HAUS8: variants seen among roughly 807,000 people sequenced by gnomAD.
The protein encoded by HAUS8 is HAUS augmin like complex subunit 8.
Under a neutral mutation model 42.9 loss-of-function variants are expected in HAUS8, and 38 were observed. That is an observed-to-expected ratio of 0.89 (90% CI 0.68 to 1.16). The LOEUF (loss-of-function observed/expected upper bound fraction) is 1.16, where lower values mean the gene tolerates loss of function less well. HAUS8 is among the 50% of genes most tolerant of loss of function. The pLI is 0.00. For missense variants in HAUS8, 494 were observed against 511.6 expected (o/e 0.97, Z 0.33); for synonymous variants, 199 against 205.8 (o/e 0.97, Z 0.28).
At chr19:17,057,645 A>T (rs2057334223) in intron 8 of HAUS8, among the ~76,000 whole-genome samples, 1 of 152,110 alleles carries the variant, frequency 6.6e-6, no homozygotes, top group South Asian at 2.1e-4. Context: ...AAAGTCAGAG[A>T]CCTTGTACTC....
At position 17,074,434 on chromosome 19, in the gene HAUS8, C is replaced by T. The variant is rs555616249; in HGVS notation, c.29+960G>A. ...CCAGGTGCCAGCAGCTGCGCTCGCC[C>T]GTAGGCTCCTCCTAACCCGACAGCT... On this transcript the variant is annotated intron_variant, in intron 1 of 10. Coordinates refer to ENST00000253669, the MANE Select transcript of HAUS8 (RefSeq NM_033417.2). The T allele has an allele frequency of 3.3e-5, 5 of 152,494 alleles. No homozygotes were observed. The East Asian group carries it at 9.6e-4, about 29-fold the overall frequency. 9.4% of individuals were successfully genotyped at this position (152,494 alleles called of 1,614,324 possible).
chr19:17,070,217 G>A (rs1265218422), intron 2 of HAUS8, among the ~76,000 whole-genome samples: 6 of 150,192 alleles, frequency 4.0e-5, no homozygotes, highest in Non-Finnish European at 7.4e-5. Flanking sequence ...ACACACCACC[G>A]CACCAGAACA....
intron 10 of HAUS8, chr19:17,051,720 T>G (rs1461649337): frequency 6.8e-6 from 1 of 146,122 alleles, no homozygotes; most frequent in Non-Finnish European, 1.5e-5. Flanking sequence ...CAGGTTGTAA[T>G]GCAGTGGCAC....
intron 8 of HAUS8, among the ~76,000 whole-genome samples, chr19:17,056,255 C>T (rs928036990): frequency 3.9e-5 from 6 of 152,168 alleles, no homozygotes; most frequent in Non-Finnish European, 7.3e-5. Context: ...TCAGCTGAGC[C>T]CACCTGCTTT....
Position 17,050,034 on chromosome 19 carries a change from C to T in HAUS8, c.1072G>A (p.Gly358Arg), listed in dbSNP as rs1201126783. 1 of 1,609,182 alleles carries T rather than the reference C, an allele frequency of 6.2e-7. No homozygotes were observed. The highest frequency in any genetic ancestry group is 8.5e-7 in the Non-Finnish European group (1 of 1,178,260). The part of the protein sequence containing the change: ...FNQDSACRES[G>R]GAPKNTPLSE... ...AGGGGCGTGTTCTTGGGTGCTCCCC[C>T]AGATTCTCTGCAGGCACTGTCTTGA... Residue 358 changes from glycine to arginine, a missense_variant, in exon 11 of 11, where the codon GGG becomes AGG. By Grantham distance (125) the Gly-to-Arg change is moderately radical (BLOSUM62 -2). Transcript: ENST00000253669.
chr19:17,062,673 C>T lies in HAUS8; in HGVS notation c.229+25G>A, dbSNP rs371966502. 277 of 1,598,782 alleles carry T rather than the reference C, an allele frequency of 1.7e-4. 1 individual carries two copies. Among genetic ancestry groups the T allele is most frequent in the Middle Eastern group, 1.3e-3 (8 of 6,056 alleles). On this transcript the variant is annotated intron_variant, in intron 4 of 10. Coordinates refer to ENST00000253669, the MANE Select transcript of HAUS8 (RefSeq NM_033417.2). ...AAATTTACTGCCGCGCTCATCACTG[C>T]CCGAGGACCATGGCTGTTTCGCACC...
chr19:17,073,253 A>T (rs1447743574), intron 2 of HAUS8, 21 bp downstream of exon 2: 1 of 1,601,336 alleles, frequency 6.2e-7, no homozygotes, highest in Non-Finnish European at 8.6e-7. Flanking sequence ...TGTTCCTTAA[A>T]GAGATCCTGA....
chr19:17,058,873 A>T lies in HAUS8; in HGVS notation c.424T>A (p.Leu142Ile). The stretch of plus-strand genomic sequence containing the variant: ...TCCATCATTTCCATTGCTTCAGATA[A>T]ATCCTTAAGAAAAGAAAAAGACCCT... ...FSAPRKKSPD[L>I]SEAMEMMESQ... The change falls in exon 7 of 11, where the codon TTA becomes ATA. Residue 142 changes from leucine (L) to isoleucine (I), a missense_variant. Coordinates refer to ENST00000253669, the MANE Select transcript of HAUS8 (RefSeq NM_033417.2). The T allele has an allele frequency of 1.9e-6, 3 of 1,610,714 alleles. No individual in the cohort carries two copies. The highest frequency in any genetic ancestry group is 2.5e-6 in the Non-Finnish European group (3 of 1,178,872).
intron 2 of HAUS8, among the ~76,000 whole-genome samples, chr19:17,072,338 CTTTTT>C (rs71180355): frequency 3.8e-4 from 33 of 87,544 alleles, no homozygotes; most frequent in African/African-American, 1.5e-3. Context: ...CGAGCATTTC[CTTTTT>C]TTTTTTTTTT....
At chr19:17,051,660 A>ATTTTTTTTTTTTTTTTTT (rs35343811) in intron 10 of HAUS8, 1 of 113,664 alleles carries the variant, frequency 8.8e-6, no homozygotes. Flanking sequence ...ACTTCCATAG[A>ATTTTTTTTTTTTTTTTTT]TTTTTTTTTT....
chr19:17,059,714 T>A, intron 5 of HAUS8, 63 bp from the exon 6 acceptor site: 2 of 1,114,562 alleles, frequency 1.8e-6, no homozygotes, highest in East Asian at 4.7e-5. Flanking sequence ...CTGGTTGCCA[T>A]TTTTTTTCTA....
intron 2 of HAUS8, among the ~76,000 whole-genome samples, chr19:17,072,218 G>A (rs1425572061): frequency 1.3e-5 from 2 of 151,846 alleles, no homozygotes; most frequent in African/African-American, 4.8e-5. Context: ...ATAAAATCCT[G>A]CTCTAAGCTC....
intron 3 of HAUS8, among the ~76,000 whole-genome samples, chr19:17,064,754 C>A (rs544565347): frequency 6.6e-6 from 1 of 152,182 alleles, no homozygotes; most frequent in Non-Finnish European, 1.5e-5. Flanking sequence ...CTACAAAACT[C>A]GTACAAGAAA....
At chr19:17,054,071 A>G (rs2057305159) in intron 9 of HAUS8, among the ~76,000 whole-genome samples, 1 of 152,142 alleles carries the variant, frequency 6.6e-6, no homozygotes, top group South Asian at 2.1e-4. Flanking sequence ...GGCCACCAGC[A>G]GCCACCAGCA....
At chr19:17,060,984 G>C (rs777202476) in intron 4 of HAUS8, among the ~76,000 whole-genome samples, 1 of 152,140 alleles carries the variant, frequency 6.6e-6, no homozygotes, top group Non-Finnish European at 1.5e-5. Flanking sequence ...AATGAAAAGA[G>C]GAAGGTCACT....
At chr19:17,074,206 AG>A (rs36046361) in intron 1 of HAUS8, 1 of 152,632 alleles carries the variant, frequency 6.6e-6, no homozygotes, top group Non-Finnish European at 1.5e-5. Flanking sequence ...CCAGCAACAC[AG>A]GAGGGGCAAG....
chr19:17,060,225 TAA>T (rs35562523), intron 4 of HAUS8, 133 bp from the exon 5 acceptor site: 25,087 of 276,410 alleles, frequency 0.091, 64 homozygotes, highest in East Asian at 0.13. Flanking sequence ...GTGGAAAGGC[TAA>T]AAAAAAAAAA....
chr19:17,060,673 G>A (rs534587702), intron 4 of HAUS8, among the ~76,000 whole-genome samples: 1 of 152,318 alleles, frequency 6.6e-6, no homozygotes, highest in East Asian at 1.9e-4. Context: ...CTCCCAAAGT[G>A]TTGGGATTAC....
chr19:17,053,755 C>A (rs529706292), intron 9 of HAUS8: 1 of 151,636 alleles, frequency 6.6e-6, no homozygotes, highest in Admixed American at 6.6e-5. Flanking sequence ...GTCCACTTTC[C>A]GGGTTCAAGC....
Sources: gnomAD v4.1 joint callset for allele counts (sites outside exome capture counted in the v4.1 genomes callset) on GRCh38, gnomAD v4.1.1 for gene constraint, MANE v1.5 for transcripts, NCBI Gene and HGNC (gene_info 2026-07-23, HGNC 2026-07-21) for gene names.